PRKG1: variants seen among roughly 807,000 people sequenced by gnomAD.
The protein encoded by PRKG1 is protein kinase cGMP-dependent 1, also known as cGMP-dependent protein kinase 1.
In PRKG1, 35 loss-of-function variants were observed where a neutral mutation model predicts 88.1. The ratio of observed to expected loss-of-function variants is 0.40; its 90% CI spans 0.30 to 0.53. The LOEUF is 0.53. PRKG1 is among the 20% of genes least tolerant of loss of function. The pLI, the probability that PRKG1 is intolerant of heterozygous loss-of-function variation, is 0.59. For missense variants in PRKG1, 540 were observed against 839.8 expected (o/e 0.64, Z 4.41); for synonymous variants, 303 against 292.5 (o/e 1.04, Z -0.37).
intron 1 of PRKG1, among the ~76,000 whole-genome samples, chr10:51,011,691 TAATC>T (rs1213855951): frequency 6.6e-6 from 1 of 152,214 alleles, no homozygotes; most frequent in Non-Finnish European, 1.5e-5. Context: ...TGCAGCCACT[TAATC>T]AAAAATATAG....
At chr10:52,117,175 T>TGTGC (rs1564475962) in intron 7 of PRKG1, among the ~76,000 whole-genome samples, 1 of 150,530 alleles carries the variant, frequency 6.6e-6, no homozygotes, top group African/African-American at 2.4e-5. Context: ...TGTGTGTGTG[T>TGTGC]GTGTGTGTGT....
chr10:51,804,133 C>T (rs1046067338), intron 3 of PRKG1, among the ~76,000 whole-genome samples: 2 of 152,032 alleles, frequency 1.3e-5, no homozygotes, highest in Non-Finnish European at 2.9e-5. Context: ...TCCCCTAAGC[C>T]TGAAAATTGA....
intron 4 of PRKG1, among the ~76,000 whole-genome samples, chr10:51,877,406 G>T (rs533631989): frequency 6.6e-6 from 1 of 152,082 alleles, no homozygotes; most frequent in Non-Finnish European, 1.5e-5. Context: ...GTAAGTGCAT[G>T]ATGGTATCTA....
chr10:51,093,779 A>G (rs1844455693), intron 1 of PRKG1, among the ~76,000 whole-genome samples: 2 of 138,296 alleles, frequency 1.4e-5, no homozygotes, highest in African/African-American at 5.6e-5. Flanking sequence ...ATATACATAT[A>G]TATGTATTTT....
intron 1 of PRKG1, among the ~76,000 whole-genome samples, chr10:51,131,314 C>CA (rs1259159677): frequency 6.6e-6 from 1 of 152,128 alleles, no homozygotes. Flanking sequence ...GTTTATTCTA[C>CA]AAAAATATTC....
chr10:52,061,918 A>G (rs1220245402), intron 6 of PRKG1, among the ~76,000 whole-genome samples: 3 of 152,096 alleles, frequency 2.0e-5, no homozygotes, highest in Admixed American at 6.5e-5. Context: ...AGAAACTAGG[A>G]TATGCATATG....
chr10:51,907,082 A>G (rs1842102339), intron 4 of PRKG1, among the ~76,000 whole-genome samples: 1 of 152,190 alleles, frequency 6.6e-6, no homozygotes, highest in Non-Finnish European at 1.5e-5. Flanking sequence ...AGGCATGTCC[A>G]ATCCCTTCCT....
chr10:51,482,612 C>G (rs1840395398), intron 3 of PRKG1, among the ~76,000 whole-genome samples: 1 of 152,140 alleles, frequency 6.6e-6, no homozygotes, highest in African/African-American at 2.4e-5. Context: ...TATTTTCTAA[C>G]CTTTCTAAAG....
intron 2 of PRKG1, among the ~76,000 whole-genome samples, chr10:51,308,134 C>T (rs1841087091): frequency 1.3e-5 from 2 of 152,264 alleles, no homozygotes; most frequent in Non-Finnish European, 1.5e-5. Flanking sequence ...CATCTCAGAA[C>T]TTGTCAAAAT....
intron 2 of PRKG1, among the ~76,000 whole-genome samples, chr10:51,263,505 G>A (rs1194639685): frequency 6.6e-6 from 1 of 152,134 alleles, no homozygotes; most frequent in Non-Finnish European, 1.5e-5. Context: ...GGTAGCATCA[G>A]GCAAAACTCC....
chr10:51,688,919 T>C (rs980187079), intron 3 of PRKG1, among the ~76,000 whole-genome samples: 10 of 152,180 alleles, frequency 6.6e-5, no homozygotes, highest in Admixed American at 6.5e-4. Flanking sequence ...GGGAGGTACC[T>C]GGTGGGAGAT....
chr10:52,119,898 T>TGA (rs1162743319), intron 7 of PRKG1, among the ~76,000 whole-genome samples: 3 of 151,254 alleles, frequency 2.0e-5, no homozygotes, highest in East Asian at 1.9e-4. Context: ...AGCACAGGCA[T>TGA]GAGAGAGAGA....
At chr10:51,757,821 G>A (rs2132521265) in intron 3 of PRKG1, among the ~76,000 whole-genome samples, 1 of 151,990 alleles carries the variant, frequency 6.6e-6, no homozygotes, top group East Asian at 1.9e-4. Context: ...TTTTTATATG[G>A]CTAATAGAAA....
chr10:51,624,084 C>T (rs530862803), intron 3 of PRKG1, among the ~76,000 whole-genome samples: 5 of 152,268 alleles, frequency 3.3e-5, no homozygotes, highest in African/African-American at 1.2e-4. Flanking sequence ...AGAAAAGTGA[C>T]TCTCTTACTT....
At chr10:51,592,519 A>G (rs1838336838) in intron 3 of PRKG1, among the ~76,000 whole-genome samples, 1 of 152,172 alleles carries the variant, frequency 6.6e-6, no homozygotes. Flanking sequence ...TATTGATGAG[A>G]GGCCCATCTC....
intron 5 of PRKG1, among the ~76,000 whole-genome samples, chr10:51,957,339 T>A (rs1843339558): frequency 6.6e-6 from 1 of 151,524 alleles, no homozygotes; most frequent in Non-Finnish European, 1.5e-5. Context: ...TCTATCAGAC[T>A]GGAGTACAGT....
At chr10:51,190,678 T>G (rs1444561376) in intron 2 of PRKG1, among the ~76,000 whole-genome samples, 12 of 151,896 alleles carry the variant, frequency 7.9e-5, no homozygotes, top group Non-Finnish European at 1.5e-5. Context: ...TTGATTAATA[T>G]TTACATATAG....
chr10:51,062,051 G>A (rs983053556), intron 1 of PRKG1, among the ~76,000 whole-genome samples: 2 of 152,186 alleles, frequency 1.3e-5, no homozygotes, highest in African/African-American at 4.8e-5. Flanking sequence ...ATTGTAGAGA[G>A]AGTATGATAC....
chr10:51,178,300 C>A (rs1281727677), intron 2 of PRKG1, among the ~76,000 whole-genome samples: 1 of 152,062 alleles, frequency 6.6e-6, no homozygotes. Flanking sequence ...AGGAACAATG[C>A]AATTGACTAC....
Sources: gnomAD v4.1 joint callset for allele counts (sites outside exome capture counted in the v4.1 genomes callset) on GRCh38, gnomAD v4.1.1 for gene constraint, MANE v1.5 for transcripts, NCBI Gene and HGNC (gene_info 2026-07-23, HGNC 2026-07-21) for gene names.